NPHP4: variants seen among roughly 807,000 people sequenced by gnomAD.
The protein encoded by NPHP4 is nephrocystin-4.
NPHP4 carries 151 observed loss-of-function variants against 155.8 expected under a neutral mutation model. The observed-to-expected ratio is 0.97, with a 90% CI of 0.85 to 1.11. NPHP4 has a LOEUF of 1.11. Among genes scored for constraint, NPHP4 ranks in the 50% least tolerant of loss-of-function variants. The pLI, the probability that NPHP4 is intolerant of heterozygous loss-of-function variation, is 0.00. For synonymous variants in NPHP4, 845 were observed against 816.8 expected (o/e 1.03, Z -0.59); for missense variants, 1,956 against 1,925.7 (o/e 1.02, Z -0.29).
intron 3 of NPHP4, among the ~76,000 whole-genome samples, chr1:5,972,769 G>T (rs1194815006): frequency 6.6e-6 from 1 of 152,042 alleles, no homozygotes; most frequent in Non-Finnish European, 1.5e-5. Flanking sequence ...TAGGTTTTTG[G>T]GGAACAGGTG....
At position 5,959,765 on chromosome 1, in the gene NPHP4, T is replaced by C. The variant is rs532321984; in HGVS notation, c.673+2029A>G. On this transcript the variant is annotated intron_variant, in intron 6 of 29. Transcript: ENST00000378156. ...CTCACAGCTAGTCCCAAGATCAGTA[T>C]CCACCAGGTGACATCTCACAGCTAG... is the stretch of plus-strand genomic sequence containing the variant. Among the ~76,000 whole-genome samples the C allele has an allele frequency of 2.6e-5, 4 of 151,538 alleles. 1 individual carries two copies. In the South Asian group the frequency reaches 8.4e-4, roughly 32 times the overall value.
intron 10 of NPHP4, among the ~76,000 whole-genome samples, chr1:5,931,278 T>C (rs1353128747): frequency 6.6e-6 from 1 of 152,104 alleles, no homozygotes; most frequent in Non-Finnish European, 1.5e-5. Context: ...ACCTCAAAGA[T>C]ACTACAGGTT....
chr1:5,906,030 A>G (rs1257016658), intron 13 of NPHP4, among the ~76,000 whole-genome samples: 3 of 152,250 alleles, frequency 2.0e-5, no homozygotes, highest in Non-Finnish European at 4.4e-5. Context: ...CCTGAGGTTC[A>G]AATTTAACTG....
intron 6 of NPHP4, among the ~76,000 whole-genome samples, chr1:5,958,220 TGCATTGGCACTG>T (rs1180182365): frequency 1.3e-4 from 20 of 152,358 alleles, no homozygotes; most frequent in African/African-American, 4.8e-4. Flanking sequence ...ACTGACAAGC[TGCATTGGCACTG>T]GCCAGGAACA....
chr1:5,888,523 C>T (rs1553163013), intron 17 of NPHP4: 1 of 1,300,374 alleles, frequency 7.7e-7, no homozygotes, highest in Admixed American at 2.2e-5. Flanking sequence ...CTTTGCCACA[C>T]TCGTCTACAC....
intron 11 of NPHP4, among the ~76,000 whole-genome samples, chr1:5,919,906 CT>C: frequency 6.6e-6 from 1 of 152,112 alleles, no homozygotes; most frequent in South Asian, 2.1e-4. Flanking sequence ...CACCCAGCTA[CT>C]GCATGCATTT....
At chr1:5,908,730 C>A (rs1645033932) in intron 12 of NPHP4, among the ~76,000 whole-genome samples, 1 of 152,252 alleles carries the variant, frequency 6.6e-6, no homozygotes, top group Non-Finnish European at 1.5e-5. Flanking sequence ...CCAGCATCGG[C>A]TGCTTGGCCG....
chr1:5,863,786 G>C, intron 29 of NPHP4, 104 bp downstream of exon 29: 1 of 1,280,234 alleles, frequency 7.8e-7, no homozygotes, highest in Non-Finnish European at 1.1e-6. Flanking sequence ...GCTTTTGGAA[G>C]ACTGCTGGTG....
chr1:5,984,799 C>G (rs1655223192), intron 2 of NPHP4, among the ~76,000 whole-genome samples: 1 of 152,152 alleles, frequency 6.6e-6, no homozygotes, highest in Non-Finnish European at 1.5e-5. Flanking sequence ...AATAAAATTT[C>G]CTTTGCAAAA....
intron 7 of NPHP4, among the ~76,000 whole-genome samples, chr1:5,948,770 G>A (rs1380908127): frequency 6.6e-6 from 1 of 152,144 alleles, no homozygotes; most frequent in Non-Finnish European, 1.5e-5. Flanking sequence ...GAGACTGGGT[G>A]TACAAAGGGA....
rs1482179539 is a variant in NPHP4 at position 5,948,057 on chromosome 1, C to T, written c.992+13G>A. 1 of 1,609,920 alleles carries T rather than the reference C, an allele frequency of 6.2e-7. No individual in the cohort carries two copies. Among genetic ancestry groups the T allele is most frequent in the Admixed American group, 1.7e-5 (1 of 59,992 alleles). On this transcript the variant is annotated intron_variant, in intron 8 of 29. Coordinates refer to ENST00000378156, the MANE Select transcript of NPHP4 (RefSeq NM_015102.5). ...ACATCCCCACCCATCCCTGGGGACC[C>T]AAGAGACAATACCTGGTCTTGGAAG...
rs374154914 is a variant in NPHP4 at position 5,938,616 on chromosome 1, T to A, written c.1120-5287A>T. On this transcript the variant is annotated intron_variant, in intron 9 of 29. Coordinates refer to ENST00000378156, the MANE Select transcript of NPHP4 (RefSeq NM_015102.5). The stretch of plus-strand genomic sequence containing the variant: ...TCCTCCAACCCTCTATGACACAGGC[T>A]GTGCGCTGTCATTTAAAAGCTGAGT... 2.0e-4 allele frequency among the ~76,000 whole-genome samples: 30 copies of A among 152,362 alleles called. No homozygotes were observed. The East Asian group carries it at 5.4e-3, about 27-fold the overall frequency.
In NPHP4 at chr1:5,888,512, G is replaced by A. The variant is rs914880349; in HGVS notation, c.2305-1046C>T. 5.6e-5 allele frequency: 72 copies of A among 1,295,486 alleles called. No individual in the cohort carries two copies. In the Middle Eastern group the frequency reaches 6.7e-4, roughly 12 times the overall value. The allele number at this position is 1,295,486 out of a possible 1,614,324, so 80.2% of individuals were successfully genotyped here. ...CTTCCGGTCGCCGCAGACCCTGGTC[G>A]CTTTGCCACACTCGTCTACACTGCA... On this transcript the variant is annotated intron_variant, in intron 17 of 29. Coordinates refer to ENST00000378156, the MANE Select transcript of NPHP4 (RefSeq NM_015102.5).
At chr1:5,876,186 G>C (rs953804251) in intron 20 of NPHP4, 3 of 152,076 alleles carry the variant, frequency 2.0e-5, no homozygotes. Flanking sequence ...TCCAGGCTAG[G>C]GGCCTCCAGA....
intron 9 of NPHP4, among the ~76,000 whole-genome samples, chr1:5,936,388 G>T (rs1262255419): frequency 1.3e-5 from 2 of 152,152 alleles, no homozygotes; most frequent in African/African-American, 4.8e-5. Flanking sequence ...TGCAGAGAAG[G>T]CCAAGCACAA....
At chr1:5,955,010 G>C (rs564629728) in intron 6 of NPHP4, among the ~76,000 whole-genome samples, 6 of 149,470 alleles carry the variant, frequency 4.0e-5, no homozygotes, top group African/African-American at 1.5e-4. Context: ...AATACATAAG[G>C]AATTTAAGCA....
At chr1:5,873,905 G>A (rs1377980895) in intron 22 of NPHP4, 3 of 204,728 alleles carry the variant, frequency 1.5e-5, no homozygotes, top group African/African-American at 4.9e-5. Flanking sequence ...ACCCCTACAC[G>A]CACAACTCCT....
chr1:5,927,596 TG>T (rs2101668150), intron 11 of NPHP4, 52 bp downstream of exon 11: 2 of 1,553,384 alleles, frequency 1.3e-6, no homozygotes, highest in Non-Finnish European at 1.8e-6. Flanking sequence ...CGGGAAGAGA[TG>T]GAAGTGCTGC....
intron 17 of NPHP4, among the ~76,000 whole-genome samples, chr1:5,888,011 T>C (rs2100868676): frequency 6.6e-6 from 1 of 152,260 alleles, no homozygotes; most frequent in South Asian, 2.1e-4. Context: ...CCTCCCCCGT[T>C]TCCCTGGGCC....
Sources: gnomAD v4.1 joint callset for allele counts (sites outside exome capture counted in the v4.1 genomes callset) on GRCh38, gnomAD v4.1.1 for gene constraint, MANE v1.5 for transcripts, NCBI Gene and HGNC (gene_info 2026-07-23, HGNC 2026-07-21) for gene names.